The following MED15 variants were observed in gnomAD, a reference collection of about 807,000 sequenced individuals.
MED15 encodes the protein mediator complex subunit 15, also known as mediator of RNA polymerase II transcription subunit 15.
Under a neutral mutation model 118.7 loss-of-function variants are expected in MED15, and 41 were observed. The observed-to-expected ratio is 0.35, with a 90% confidence interval of 0.27 to 0.45. The LOEUF (loss-of-function observed/expected upper bound fraction) is 0.45, where lower values mean the gene tolerates loss of function less well. Among genes scored for constraint, MED15 ranks in the 20% least tolerant of loss-of-function variants. The pLI is 1.00. For synonymous variants in MED15, 436 were observed against 413.9 expected, an observed-to-expected ratio of 1.05 and a Z score of -0.65; for missense variants, 740 against 1,025.5, an observed-to-expected ratio of 0.72 and a Z score of 3.80.
At chr22:20,549,050 C>G (rs2146505341) in intron 2 of MED15, among the ~76,000 whole-genome samples, 1 of 152,330 alleles carries the variant, frequency 6.6e-6, no homozygotes, top group Non-Finnish European at 1.5e-5. Context: ...ACCCTCCTGC[C>G]TTGGCTTCCC....
In MED15 at chr22:20,530,691, G is replaced by C. The variant is rs529437696; in HGVS notation, c.69-6426G>C. Among the ~76,000 whole-genome samples, 3 of 152,308 alleles carry C rather than the reference G, an allele frequency of 2.0e-5. No individual in the cohort carries two copies. The South Asian group carries it at 6.2e-4, about 32-fold the overall frequency. ...GAAGGAAGAGTCAGGGCGTGGAGCAGAGCAGAGCGGGAGTTGGGGTGGGGA... is the reference window on the plus strand; with the variant it reads ...GAAGGAAGAGTCAGGGCGTGGAGCACAGCAGAGCGGGAGTTGGGGTGGGGA... On this transcript the variant is annotated intron_variant, in intron 1 of 17. Coordinates refer to ENST00000263205, the MANE Select transcript of MED15 (RefSeq NM_001003891.3).
chr22:20,555,279 A>C, intron 5 of MED15, 131 bp downstream of exon 5: 1 of 1,062,508 alleles, frequency 9.4e-7, no homozygotes, highest in Non-Finnish European at 1.3e-6. Flanking sequence ...TTGTTTTTTA[A>C]ATCTTTGTTG....
chr22:20,581,285 C>T (rs2056973794), intron 9 of MED15, among the ~76,000 whole-genome samples: 2 of 152,240 alleles, frequency 1.3e-5, no homozygotes, highest in African/African-American at 4.8e-5. Flanking sequence ...ACCCTGCCCT[C>T]TGCTGCCTGG....
chr22:20,545,759 T>C (rs1229521565), intron 2 of MED15, among the ~76,000 whole-genome samples: 6 of 152,160 alleles, frequency 3.9e-5, no homozygotes, highest in Non-Finnish European at 7.4e-5. Flanking sequence ...TCCTGTGGGC[T>C]GGGGCCAAGG....
intron 1 of MED15, among the ~76,000 whole-genome samples, chr22:20,514,106 TC>T (rs1463241405): frequency 6.6e-6 from 1 of 151,982 alleles, no homozygotes; most frequent in East Asian, 1.9e-4. Flanking sequence ...GCTCAAGTGA[TC>T]CACCTGCCTC....
intron 1 of MED15, among the ~76,000 whole-genome samples, chr22:20,528,536 C>T (rs1225203901): frequency 6.6e-6 from 1 of 152,190 alleles, no homozygotes; most frequent in Non-Finnish European, 1.5e-5. Context: ...GTAATGCTTG[C>T]ACACCCTCTG....
chr22:20,509,499 A>C (rs1476225425), intron 1 of MED15, among the ~76,000 whole-genome samples: 1 of 151,814 alleles, frequency 6.6e-6, no homozygotes, highest in Non-Finnish European at 1.5e-5. Flanking sequence ...GGCCTGCATT[A>C]GACAGTGGTA....
chr22:20,510,802 A>T (rs1236717507), intron 1 of MED15, among the ~76,000 whole-genome samples: 1 of 152,202 alleles, frequency 6.6e-6, no homozygotes, highest in Non-Finnish European at 1.5e-5. Flanking sequence ...AGAAGCCAGG[A>T]TAATCTCTTT....
intron 8 of MED15, among the ~76,000 whole-genome samples, chr22:20,569,079 T>TG (rs1482616684): frequency 6.6e-6 from 1 of 152,164 alleles, no homozygotes; most frequent in Non-Finnish European, 1.5e-5. Context: ...GGCATCCTGG[T>TG]GCTCGCCTGC....
chr22:20,540,876 A>G (rs894793104), intron 2 of MED15, among the ~76,000 whole-genome samples: 4 of 146,932 alleles, frequency 2.7e-5, no homozygotes, highest in Non-Finnish European at 4.5e-5. Flanking sequence ...CAGAATACAT[A>G]AAGAACTCCT....
chr22:20,542,982 T>A (rs1012976943), intron 2 of MED15, among the ~76,000 whole-genome samples: 2 of 152,074 alleles, frequency 1.3e-5, no homozygotes, highest in African/African-American at 4.8e-5. Flanking sequence ...GAACACACTT[T>A]CCTAACAGTA....
At chr22:20,582,233 A>C (rs2057008430) in intron 9 of MED15, 1 of 334,716 alleles carries the variant, frequency 3.0e-6, no homozygotes, top group Non-Finnish European at 5.6e-6. Flanking sequence ...TCACCGACCC[A>C]CAGAGGAGCA....
At chr22:20,584,253 C>T in intron 13 of MED15, 106 bp from the exon 14 acceptor site, 4 of 1,160,612 alleles carry the variant, frequency 3.4e-6, no homozygotes, top group Non-Finnish European at 5.2e-6. Context: ...GTAGGAGCTC[C>T]TGCAGAGGTT....
intron 1 of MED15, among the ~76,000 whole-genome samples, chr22:20,521,242 A>G (rs530751700): frequency 1.7e-4 from 25 of 149,826 alleles, no homozygotes; most frequent in African/African-American, 5.9e-4. Flanking sequence ...GATTACAGGC[A>G]CGTACCACCA....
chr22:20,545,384 C>G (rs2055485440), intron 2 of MED15, among the ~76,000 whole-genome samples: 1 of 144,790 alleles, frequency 6.9e-6, no homozygotes, highest in African/African-American at 2.6e-5. Flanking sequence ...GAGGGTGAGG[C>G]AGGAGAATCA....
intron 1 of MED15, among the ~76,000 whole-genome samples, chr22:20,516,994 A>G (rs1255610479): frequency 6.6e-6 from 1 of 151,964 alleles, no homozygotes; most frequent in African/African-American, 2.4e-5. Context: ...GTGCAGCAGT[A>G]CAATCATAGC....
At chr22:20,510,147 G>C (rs960771368) in intron 1 of MED15, among the ~76,000 whole-genome samples, 1 of 152,148 alleles carries the variant, frequency 6.6e-6, no homozygotes, top group African/African-American at 2.4e-5. Flanking sequence ...AGCACTTTGG[G>C]AGACTGAGGC....
intron 1 of MED15, among the ~76,000 whole-genome samples, chr22:20,509,487 A>G (rs2053989160): frequency 6.6e-6 from 1 of 151,976 alleles, no homozygotes; most frequent in Non-Finnish European, 1.5e-5. Flanking sequence ...GGAGATTATA[A>G]AGGCCTGCAT....
In MED15 at chr22:20,582,934, A is replaced by G. The variant is rs2057032519; in HGVS notation, c.1504A>G (p.Ser502Gly). 1.2e-6 allele frequency: 2 copies of G among 1,613,672 alleles called. No homozygotes were observed. The highest frequency in any genetic ancestry group is 8.5e-7 in the Non-Finnish European group (1 of 1,179,972). Reference sequence around the variant, plus strand: ...GACGGCGCGGACCCCACAGAACTTCAGTGTCCCCTCACCTGGACCTTTAAA... The same window carrying G: ...GACGGCGCGGACCCCACAGAACTTCGGTGTCCCCTCACCTGGACCTTTAAA... ...PVTARTPQNF[S>G]VPSPGPLNTP... is the part of the protein sequence containing the mutation. Residue 502 changes from serine to glycine, a missense_variant, in exon 11 of 18, where the codon AGT becomes GGT. Transcript: ENST00000263205.
Sources: gnomAD v4.1 joint callset for allele counts (sites outside exome capture counted in the v4.1 genomes callset) on GRCh38, gnomAD v4.1.1 for gene constraint, MANE v1.5 for transcripts, NCBI Gene and HGNC (gene_info 2026-07-23, HGNC 2026-07-21) for gene names.